The following SUZ12 variants were observed in gnomAD, a reference collection of about 807,000 sequenced individuals.
SUZ12 encodes the protein polycomb protein SUZ12.
A neutral mutation model predicts 87.3 loss-of-function variants in SUZ12; 17 were observed. That is an observed-to-expected ratio of 0.19 (90% CI 0.13 to 0.29). The LOEUF (loss-of-function observed/expected upper bound fraction) is 0.29, where lower values mean the gene tolerates loss of function less well. Ranked by LOEUF, SUZ12 falls within the 10% of genes least tolerant of loss-of-function variation. The pLI is 1.00. For synonymous variants in SUZ12, 253 were observed against 312.4 expected, an observed-to-expected ratio of 0.81 and a Z score of 2.01; for missense variants, 526 against 912.2, an observed-to-expected ratio of 0.58 and a Z score of 5.45.
intron 4 of SUZ12, among the ~76,000 whole-genome samples, chr17:31,962,285 A>AG (rs1907773916): frequency 6.6e-6 from 1 of 151,920 alleles, no homozygotes; most frequent in Admixed American, 6.6e-5. Context: ...GAAAAAAAAA[A>AG]TAATTGAATT....
intron 4 of SUZ12, among the ~76,000 whole-genome samples, chr17:31,948,940 A>G (rs1210326358): frequency 6.6e-6 from 1 of 152,126 alleles, no homozygotes; most frequent in Non-Finnish European, 1.5e-5. Context: ...CCCTAGACAG[A>G]GCTCTTGGGA....
chr17:31,963,422 G>A (rs1399173062), intron 4 of SUZ12, among the ~76,000 whole-genome samples: 1 of 151,166 alleles, frequency 6.6e-6, no homozygotes, highest in African/African-American at 2.4e-5. Context: ...ATCTCCCAAA[G>A]TGCTAGGATT....
intron 4 of SUZ12, among the ~76,000 whole-genome samples, chr17:31,948,942 C>T (rs1310490516): frequency 1.3e-5 from 2 of 152,112 alleles, no homozygotes; most frequent in Non-Finnish European, 2.9e-5. Flanking sequence ...CTAGACAGAG[C>T]TCTTGGGATC....
At position 31,976,574 on chromosome 17, in the gene SUZ12, A is replaced by G. The variant is rs1908767844; in HGVS notation, c.877A>G (p.Lys293Glu). 1 of 1,613,278 alleles carries G rather than the reference A, an allele frequency of 6.2e-7. No homozygotes were observed. Among genetic ancestry groups the G allele is most frequent in the Non-Finnish European group, 8.5e-7 (1 of 1,179,534 alleles). ...RRKRNREDGE[K>E]TFVAQMTVFD... ...AAAACGAAATCGTGAGGATGGGGAA[A>G]AGACATTTGTTGCACAAATGACAGT... is the stretch of plus-strand genomic sequence containing the variant. Residue 293 changes from lysine to glutamate, a missense_variant, in exon 8 of 16, where the codon AAG (lysine) becomes GAG (glutamate). Coordinates refer to ENST00000322652, the MANE Select transcript of SUZ12 (RefSeq NM_015355.4).
intron 5 of SUZ12, among the ~76,000 whole-genome samples, chr17:31,968,022 ACATGCCTGTAGTCC>A (rs1399685076): frequency 6.6e-6 from 1 of 152,140 alleles, no homozygotes; most frequent in Non-Finnish European, 1.5e-5. Flanking sequence ...GCACAGTGGC[ACATGCCTGTAGTCC>A]CAGCTATTCT....
At chr17:31,976,352 T>C (rs963589111) in intron 7 of SUZ12, among the ~76,000 whole-genome samples, 169 bp from the exon 8 acceptor site, 1 of 152,198 alleles carries the variant, frequency 6.6e-6, no homozygotes, top group Non-Finnish European at 1.5e-5. Flanking sequence ...AAAAAGAACA[T>C]ATAGTAAAAA....
At chr17:31,946,663 A>G (rs917464939) in intron 3 of SUZ12, among the ~76,000 whole-genome samples, 21 of 152,238 alleles carry the variant, frequency 1.4e-4, no homozygotes, top group African/African-American at 4.8e-4. Flanking sequence ...TGGCTTTTCA[A>G]GTCCTAAAGA....
At chr17:31,963,937 G>A (rs1473321357) in intron 4 of SUZ12, 1 of 152,182 alleles carries the variant, frequency 6.6e-6, no homozygotes, top group Non-Finnish European at 1.5e-5. Context: ...CATAGGCACC[G>A]GCCCTCTGCT....
Position 31,993,952 on chromosome 17 carries a change from T to C in SUZ12, c.1381T>C (p.Tyr461His). 6.2e-7 allele frequency: 1 copy of C among 1,613,982 alleles called. No homozygotes were observed. Among genetic ancestry groups the C allele is most frequent in the Non-Finnish European group, 8.5e-7 (1 of 1,179,966 alleles). Residue 461 changes from tyrosine (Y) to histidine (H), a missense_variant, in exon 12 of 16, where the codon TAT (tyrosine) becomes CAT (histidine). This residue lies in a region of SUZ12 where 143 missense variants were observed against 321.6 expected (regional missense o/e 0.44). Coordinates refer to ENST00000322652, the MANE Select transcript of SUZ12 (RefSeq NM_015355.4). ...PWCTLNCRKL[Y>H]SLLKHLKLCH... ...GTGTACTCTGAACTGCCGCAAACTT[T>C]ATAGTTTACTCAAGCATCTTAAACT...
At position 32,001,022 on chromosome 17, in the gene SUZ12, C is replaced by T. The variant is rs1207904906; in HGVS notation, c.*2019C>T. ...ATCAAATGATTTTGTACATAAAGTT[C>T]AATAATATAAAAGCTGTATTCTGTT... is the stretch of plus-strand genomic sequence containing the variant. On this transcript the variant is annotated 3_prime_UTR_variant, in exon 16 of 16. Transcript: ENST00000322652. 4 of 201,782 alleles carry T rather than the reference C, an allele frequency of 2.0e-5. No individual in the cohort carries two copies. Among genetic ancestry groups the T allele is most frequent in the Non-Finnish European group, 4.1e-5 (4 of 98,066 alleles). 12.5% of individuals were successfully genotyped at this position (201,782 alleles called of 1,614,324 possible).
At chr17:31,939,384 T>C (rs1169047943) in intron 1 of SUZ12, among the ~76,000 whole-genome samples, 5 of 151,662 alleles carry the variant, frequency 3.3e-5, no homozygotes, top group African/African-American at 7.3e-5. Context: ...GGGCAACATA[T>C]CAAGACCCCT....
At chr17:31,957,169 A>G (rs144528396) in intron 4 of SUZ12, among the ~76,000 whole-genome samples, 3 of 151,252 alleles carry the variant, frequency 2.0e-5, no homozygotes, top group African/African-American at 4.9e-5. Flanking sequence ...TGCAGTCTCA[A>G]CCTCCTGGGA....
intron 4 of SUZ12, among the ~76,000 whole-genome samples, chr17:31,952,832 G>C (rs1201848249): frequency 6.6e-6 from 1 of 152,136 alleles, no homozygotes; most frequent in East Asian, 1.9e-4. Flanking sequence ...CAAAGTGCTG[G>C]GATTACAGGC....
intron 10 of SUZ12, among the ~76,000 whole-genome samples, chr17:31,992,254 T>A (rs1909759055): frequency 6.6e-6 from 1 of 151,972 alleles, no homozygotes; most frequent in African/African-American, 2.4e-5. Context: ...ATTGTGCCAC[T>A]GCACGCCAGC....
rs1056214077 is a variant in SUZ12 at position 31,975,379 on chromosome 17, T to C, written c.592-103T>C. On this transcript the variant is annotated intron_variant, in intron 6 of 15. Coordinates refer to ENST00000322652, the MANE Select transcript of SUZ12 (RefSeq NM_015355.4). Reference sequence around the variant, plus strand: ...ATTTTAACATTCCATTTGGTGATCATGGCCTATCTCCCGTGTTTCCTATAG... The same window carrying C: ...ATTTTAACATTCCATTTGGTGATCACGGCCTATCTCCCGTGTTTCCTATAG... The C allele has an allele frequency of 9.4e-6, 7 of 745,102 alleles. No individual in the cohort carries two copies. The African/African-American group carries it at 1.3e-4, about 13-fold the overall frequency. The allele number at this position is 745,102 out of a possible 1,614,324, so 46.2% of individuals were successfully genotyped here. A position where few individuals can be genotyped will look rare whatever the true frequency, so the allele number is the denominator to read the frequency against.
intron 8 of SUZ12, among the ~76,000 whole-genome samples, chr17:31,977,616 C>T (rs1043866484): frequency 2.6e-5 from 4 of 151,904 alleles, no homozygotes; most frequent in South Asian, 2.1e-4. Flanking sequence ...GAAGGCCGGG[C>T]GCAGTGGCTC....
intron 9 of SUZ12, 82 bp downstream of exon 9, chr17:31,983,186 T>G (rs1247179177): frequency 1.4e-6 from 2 of 1,410,712 alleles, no homozygotes; most frequent in Admixed American, 4.1e-5. Flanking sequence ...AAATGCTAAT[T>G]CATGTTGGAA....
At chr17:31,989,824 T>A (rs1467293638) in intron 10 of SUZ12, among the ~76,000 whole-genome samples, 1 of 150,470 alleles carries the variant, frequency 6.6e-6, no homozygotes, top group Non-Finnish European at 1.5e-5. Context: ...TTAGCCAGGA[T>A]GGTCTCGATC....
At chr17:31,970,855 AT>A (rs1491103372) in intron 5 of SUZ12, among the ~76,000 whole-genome samples, 1 of 151,940 alleles carries the variant, frequency 6.6e-6, no homozygotes, top group East Asian at 1.9e-4. Context: ...AGAACAAAAA[AT>A]TTTTTTTGTG....
Sources: gnomAD v4.1 joint callset for allele counts (sites outside exome capture counted in the v4.1 genomes callset) on GRCh38, gnomAD v4.1.1 for gene constraint, gnomAD v4.1.1 regional missense constraint, MANE v1.5 for transcripts, NCBI Gene and HGNC (gene_info 2026-07-23, HGNC 2026-07-21) for gene names.